Variants in FSBP observed in about 807,000 individuals in gnomAD.
FSBP encodes fibrinogen silencer-binding protein.
Under a neutral mutation model 24.6 loss-of-function variants are expected in FSBP, and 18 were observed. The observed-to-expected ratio is 0.73, with a 90% CI of 0.51 to 1.08. The LOEUF is 1.08. Among genes scored for constraint, FSBP ranks in the 50% least tolerant of loss-of-function variants. The probability of loss-of-function intolerance (pLI) is 0.00; values close to 1 mark genes in which losing one functional copy is unlikely to be tolerated. For missense variants in FSBP, 305 were observed against 347.6 expected, an observed-to-expected ratio of 0.88 and a Z score of 0.98; for synonymous variants, 110 against 125.8, an observed-to-expected ratio of 0.87 and a Z score of 0.84.
chr8:94,428,071 GT>G lies in FSBP; in HGVS notation c.*4059del. On this transcript the variant is annotated 3_prime_UTR_variant, in exon 2 of 2. Coordinates refer to ENST00000481490, the MANE Select transcript of FSBP (RefSeq NM_001256141.2). ...AGGATGTCATTATAAATCACAGCTA[GT>G]TTAGAAAATCATAAGTTGTAACAAC... 1.1e-6 allele frequency: 1 copy of G among 950,382 alleles called. No individual in the cohort carries two copies. The highest frequency in any genetic ancestry group is 1.3e-6 in the Non-Finnish European group (1 of 798,102). 58.9% of individuals were successfully genotyped at this position (950,382 alleles called of 1,614,324 possible).
Position 94,428,007 on chromosome 8 carries a change from T to A in FSBP, c.*4124A>T, listed in dbSNP as rs528885122. On this transcript the variant is annotated 3_prime_UTR_variant, in exon 2 of 2. Coordinates refer to ENST00000481490, the MANE Select transcript of FSBP (RefSeq NM_001256141.2). Reference sequence around the variant, plus strand: ...AAAAATACTTGACTATTTTAAGAAATCTGGTATTCGTTAGAAATGAGTTTC... The same window carrying A: ...AAAAATACTTGACTATTTTAAGAAAACTGGTATTCGTTAGAAATGAGTTTC... The A allele has an allele frequency of 6.5e-6, 6 of 929,628 alleles. No individual in the cohort carries two copies. In the African/African-American group the frequency reaches 1.1e-4, roughly 17 times the overall value. 57.6% of individuals were successfully genotyped at this position (929,628 alleles called of 1,614,324 possible). A position where few individuals can be genotyped will look rare whatever the true frequency, so the allele number is the denominator to read the frequency against.
At position 94,430,405 on chromosome 8, in the gene FSBP, G is replaced by A. The variant is rs370953214; in HGVS notation, c.*1726C>T. 9.1e-6 allele frequency: 9 copies of A among 984,606 alleles called. No individual in the cohort carries two copies. Among genetic ancestry groups the A allele is most frequent in the East Asian group, 2.3e-4 (2 of 8,800 alleles). The allele number at this position is 984,606 out of a possible 1,614,324, so 61.0% of individuals were successfully genotyped here. A position where few individuals can be genotyped will look rare whatever the true frequency, so the allele number is the denominator to read the frequency against. The stretch of plus-strand genomic sequence containing the variant: ...CTCAGTTCACTTTCAACTACTCTTC[G>A]ACAAAAATTTTGAGACTAGTATGAT... On this transcript the variant is annotated 3_prime_UTR_variant, in exon 2 of 2. Coordinates refer to ENST00000481490, the MANE Select transcript of FSBP (RefSeq NM_001256141.2).
rs187621721 is a variant in FSBP at position 94,434,772 on chromosome 8, C to T, written c.374+1723G>A. 5.9e-5 allele frequency among the ~76,000 whole-genome samples: 9 copies of T among 151,532 alleles called. No homozygotes were observed. In the East Asian group the frequency reaches 1.5e-3, roughly 26 times the overall value. ...CACAGTAACATAAGAATTTAAAAGG[C>T]ATGTTTCTTATATTCTTCCCTTTAA... On this transcript the variant is annotated intron_variant, in intron 1 of 1. Transcript: ENST00000481490.
In FSBP at chr8:94,430,310, C is replaced by CA. The variant is rs60634729; in HGVS notation, c.*1820dup. ...TAGGTGACAAAGCAAGACTCCATCT[C>CA]AAAAAAAAAAAAAAAAAGTATTTAA... On this transcript the variant is annotated 3_prime_UTR_variant, in exon 2 of 2. Coordinates refer to ENST00000481490, the MANE Select transcript of FSBP (RefSeq NM_001256141.2). 40,778 of 851,852 alleles carry CA rather than the reference C, an allele frequency of 0.048. 9 individuals are homozygous for CA. The highest frequency in any genetic ancestry group is 0.051 in the Non-Finnish European group (37,148 of 724,944). The allele number at this position is 851,852 out of a possible 1,614,324, so 52.8% of individuals were successfully genotyped here.
At position 94,429,432 on chromosome 8, in the gene FSBP, A is replaced by G; in HGVS notation, c.*2699T>C. ...GATCTCTTTTCTAGAAACATCTCACAGAATTAATGTTCCACAGAACACACT... is the reference window on the plus strand; with the variant it reads ...GATCTCTTTTCTAGAAACATCTCACGGAATTAATGTTCCACAGAACACACT... On this transcript the variant is annotated 3_prime_UTR_variant, in exon 2 of 2. Transcript: ENST00000481490. 1 of 924,456 alleles carries G rather than the reference A, an allele frequency of 1.1e-6. No individual in the cohort carries two copies. Among genetic ancestry groups the G allele is most frequent in the Non-Finnish European group, 1.3e-6 (1 of 774,560 alleles). 57.3% of individuals were successfully genotyped at this position (924,456 alleles called of 1,614,324 possible).
In FSBP at chr8:94,431,913, A is replaced by G. The variant is rs1027352323; in HGVS notation, c.*218T>C. The G allele has an allele frequency of 2.6e-4, 271 of 1,023,534 alleles. No individual in the cohort carries two copies. The highest frequency in any genetic ancestry group is 3.0e-4 in the Non-Finnish European group (246 of 820,988). The allele number at this position is 1,023,534 out of a possible 1,614,324, so 63.4% of individuals were successfully genotyped here. On this transcript the variant is annotated 3_prime_UTR_variant, in exon 2 of 2. Coordinates refer to ENST00000481490, the MANE Select transcript of FSBP (RefSeq NM_001256141.2). ...GTAAGGTCAACAATTAAACTTAGGG[A>G]AAAAAAAAAGAAGACAATAAAAACT...
In FSBP at chr8:94,436,851, T is replaced by A; in HGVS notation, c.18A>T (p.Arg6Ser). 1 of 1,531,914 alleles carries A rather than the reference T, an allele frequency of 6.5e-7. No individual in the cohort carries two copies. The highest frequency in any genetic ancestry group is 8.8e-7 in the Non-Finnish European group (1 of 1,139,868). 94.9% of individuals were successfully genotyped at this position (1,531,914 alleles called of 1,614,324 possible). ...TTTCGGATAAGGTAAAATTGGAAGATCTAGCCTTTCCTACCATTGTTCTTT... is the reference window on the plus strand; with the variant it reads ...TTTCGGATAAGGTAAAATTGGAAGAACTAGCCTTTCCTACCATTGTTCTTT... MVGKA[R>S]SSNFTLSEKL... The change falls in exon 1 of 2, where the codon AGA (arginine) becomes AGT (serine). Residue 6 changes from arginine to serine, a missense_variant. Arg to Ser is a moderately radical substitution (Grantham distance 110, BLOSUM62 -1). Transcript: ENST00000481490.
At chr8:94,432,737 G>T in intron 1 of FSBP, 81 bp from the exon 2 acceptor site, 1 of 1,358,018 alleles carries the variant, frequency 7.4e-7, no homozygotes, top group Non-Finnish European at 9.5e-7. Flanking sequence ...TTAATTTAAT[G>T]TACATTAAAT....
rs1399255947 is a variant in FSBP at position 94,432,788 on chromosome 8, AT to A, written c.375-133del. The A allele has an allele frequency of 1.8e-5, 21 of 1,186,682 alleles. No homozygotes were observed. The Admixed American group carries it at 5.6e-4, about 32-fold the overall frequency. The allele number at this position is 1,186,682 out of a possible 1,614,324, so 73.5% of individuals were successfully genotyped here. Reference sequence around the variant, plus strand: ...CTATAAAGTTACAAAATAAAAAAAAATCTTAAACACTTGAAATACATTAAAG... The same window carrying A: ...CTATAAAGTTACAAAATAAAAAAAAACTTAAACACTTGAAATACATTAAAG... On this transcript the variant is annotated intron_variant, in intron 1 of 1. Coordinates refer to ENST00000481490, the MANE Select transcript of FSBP (RefSeq NM_001256141.2).
intron 1 of FSBP, among the ~76,000 whole-genome samples, chr8:94,434,235 T>C (rs192024801): frequency 6.1e-4 from 92 of 151,828 alleles, no homozygotes; most frequent in African/African-American, 2.2e-3. Flanking sequence ...AAATAGAGAG[T>C]ATAAACATAG....
Position 94,428,068 on chromosome 8 carries a change from C to G in FSBP, c.*4063G>C. On this transcript the variant is annotated 3_prime_UTR_variant, in exon 2 of 2. Coordinates refer to ENST00000481490, the MANE Select transcript of FSBP (RefSeq NM_001256141.2). ...CTCAGGATGTCATTATAAATCACAG[C>G]TAGTTTAGAAAATCATAAGTTGTAA... 1 of 950,198 alleles carries G rather than the reference C, an allele frequency of 1.1e-6. No homozygotes were observed. Among genetic ancestry groups the G allele is most frequent in the Non-Finnish European group, 1.3e-6 (1 of 797,984 alleles). The allele number at this position is 950,198 out of a possible 1,614,324, so 58.9% of individuals were successfully genotyped here.
In FSBP at chr8:94,432,378, C is replaced by T. The variant is rs886153940; in HGVS notation, c.653G>A (p.Arg218Gln). ...CCTAAAGTGTTCACCACTCTCATGC[C>T]GAAAAAAATCATCTCTCCTTGGAAT... ...SSIPRRDDFF[R>Q]HESGEHFRSL... Residue 218 changes from arginine to glutamine, a missense_variant, in exon 2 of 2, where the codon CGG (arginine) becomes CAG (glutamine). Transcript: ENST00000481490. The T allele has an allele frequency of 8.4e-6, 13 of 1,550,158 alleles. No individual in the cohort carries two copies. The highest frequency in any genetic ancestry group is 6.8e-5 in the African/African-American group (5 of 73,064).
intron 1 of FSBP, among the ~76,000 whole-genome samples, chr8:94,434,828 A>G (rs2130115323): frequency 6.6e-6 from 1 of 151,804 alleles, no homozygotes; most frequent in African/African-American, 2.4e-5. Context: ...TTTAAGCCAT[A>G]GGTATAGAAA....
rs75947012 is a variant in FSBP, at chr8:94,430,731, C to T, written c.*1400G>A. ...TTTTAAAAGCATTTTGTGTTATTTG[C>T]AAACATTTTAAAATTGGAAGATTCC... On this transcript the variant is annotated 3_prime_UTR_variant, in exon 2 of 2. Transcript: ENST00000481490. 3,046 of 960,844 alleles carry T rather than the reference C, an allele frequency of 3.2e-3. 65 individuals are homozygous for T. The African/African-American group carries it at 0.05, about 16-fold the overall frequency. The allele number at this position is 960,844 out of a possible 1,614,324, so 59.5% of individuals were successfully genotyped here. A position where few individuals can be genotyped will look rare whatever the true frequency, so the allele number is the denominator to read the frequency against.
Position 94,436,795 on chromosome 8 carries a change from T to C in FSBP, c.74A>G (p.Tyr25Cys). 2.6e-6 allele frequency: 4 copies of C among 1,549,994 alleles called. No homozygotes were observed. Among genetic ancestry groups the C allele is most frequent in the Non-Finnish European group, 3.5e-6 (4 of 1,146,804 alleles). The change falls in exon 1 of 2, where the codon TAT becomes TGT. Residue 25 changes from tyrosine to cysteine, a missense_variant. Physicochemically the swap from Tyr to Cys is radical, Grantham distance 194. Transcript: ENST00000481490. ...AGTGTGTTCTTCGAGAATTTTCACA[T>C]ATGGCTTCACAAGCTTTAGCAAATC... ...KLDLLKLVKP[Y>C]VKILEEHTNK...
Position 94,431,770 on chromosome 8 carries a change from T to G in FSBP, c.*361A>C, listed in dbSNP as rs145335923. 347 of 996,336 alleles carry G rather than the reference T, an allele frequency of 3.5e-4. 2 individuals carry two copies. The African/African-American group carries it at 5.7e-3, about 16-fold the overall frequency. 61.7% of individuals were successfully genotyped at this position (996,336 alleles called of 1,614,324 possible). On this transcript the variant is annotated 3_prime_UTR_variant, in exon 2 of 2. Transcript: ENST00000481490. ...CTCCTAAATTAGACTGACTTAAAAA[T>G]CTCTAATTATAGCTTTCAAAGTTCT...
intron 1 of FSBP, among the ~76,000 whole-genome samples, chr8:94,435,937 G>A (rs970251367): frequency 2.0e-5 from 3 of 152,020 alleles, no homozygotes; most frequent in Admixed American, 6.6e-5. Flanking sequence ...TTTTAAACGT[G>A]TTAGAAAAAT....
At chr8:94,434,410 G>A (rs1050528202) in intron 1 of FSBP, among the ~76,000 whole-genome samples, 6 of 151,830 alleles carry the variant, frequency 4.0e-5, no homozygotes, top group African/African-American at 1.4e-4. Context: ...TCAGAACTTT[G>A]AAGATCAGTT....
At chr8:94,436,275 G>A (rs1241687396) in intron 1 of FSBP, among the ~76,000 whole-genome samples, 1 of 152,154 alleles carries the variant, frequency 6.6e-6, no homozygotes, top group Non-Finnish European at 1.5e-5. Context: ...AGAAACTACA[G>A]GAGGGAAGGG....
Sources: gnomAD v4.1 joint callset for allele counts (sites outside exome capture counted in the v4.1 genomes callset) on GRCh38, gnomAD v4.1.1 for gene constraint, MANE v1.5 for transcripts, NCBI Gene and HGNC (gene_info 2026-07-23, HGNC 2026-07-21) for gene names.